The following DSTYK variants were observed in gnomAD, a reference collection of about 807,000 sequenced individuals.
DSTYK encodes RIP-homologous kinase.
Under a neutral mutation model 98.7 loss-of-function variants are expected in DSTYK, and 34 were observed. That is an observed-to-expected ratio of 0.34 (90% CI 0.26 to 0.46). The LOEUF (loss-of-function observed/expected upper bound fraction) is 0.46. DSTYK is among the 20% of genes least tolerant of loss of function. The pLI is 1.00. For missense variants in DSTYK, 962 were observed against 1,181.7 expected, an observed-to-expected ratio of 0.81 and a Z score of 2.73; for synonymous variants, 462 against 457.3, an observed-to-expected ratio of 1.01 and a Z score of -0.13.
At chr1:205,166,183 C>A (rs957675058) in intron 3 of DSTYK, among the ~76,000 whole-genome samples, 3 of 152,006 alleles carry the variant, frequency 2.0e-5, no homozygotes, top group Non-Finnish European at 4.4e-5. Flanking sequence ...ATGAAAAAGA[C>A]AAGTGCAGAA....
chr1:205,159,945 G>A (rs920368095), intron 8 of DSTYK, 169 bp downstream of exon 8: 1 of 875,612 alleles, frequency 1.1e-6, no homozygotes, highest in Non-Finnish European at 1.8e-6. Flanking sequence ...AGGATGGTGG[G>A]GAAAGAGCAA....
intron 10 of DSTYK, among the ~76,000 whole-genome samples, chr1:205,156,165 G>T (rs1657553631): frequency 6.6e-6 from 1 of 152,332 alleles, no homozygotes; most frequent in East Asian, 1.9e-4. Flanking sequence ...GAGAACCTTT[G>T]CTAGGGCAAT....
chr1:205,162,810 T>TG, intron 5 of DSTYK, 113 bp downstream of exon 5: 1 of 814,290 alleles, frequency 1.2e-6, no homozygotes, highest in South Asian at 1.5e-5. Context: ...CCAGAACAAA[T>TG]GGTCACCCTG....
chr1:205,204,272 T>TGA, intron 1 of DSTYK, among the ~76,000 whole-genome samples: 1 of 152,262 alleles, frequency 6.6e-6, no homozygotes, highest in East Asian at 1.9e-4. Flanking sequence ...TATTTTGTAT[T>TGA]CCCATGGTCA....
chr1:205,183,213 G>C (rs2102442578), intron 2 of DSTYK, among the ~76,000 whole-genome samples: 1 of 152,322 alleles, frequency 6.6e-6, no homozygotes, highest in South Asian at 2.1e-4. Context: ...GGAAAGGCAG[G>C]AGGGTGGGGA....
chr1:205,164,621 C>T (rs1301623181), intron 3 of DSTYK, among the ~76,000 whole-genome samples: 1 of 152,112 alleles, frequency 6.6e-6, no homozygotes, highest in Non-Finnish European at 1.5e-5. Flanking sequence ...GCCACCACGC[C>T]TGGCTGATTT....
In DSTYK at chr1:205,187,559, A is replaced by G. The variant is rs1658591365; in HGVS notation, c.513T>C (p.Tyr171=). 1.9e-6 allele frequency: 3 copies of G among 1,614,128 alleles called. No individual in the cohort carries two copies. The East Asian group carries it at 6.7e-5, about 36-fold the overall frequency. The part of the protein sequence containing the change: ...TRVSLALPGQ[Y]ELVHTLVAHQ... ...GAGCAACCAGCGTGTGCACTAGTTC[A>G]TACTGTCCAGGGAGCGCCAGGCTGA... Residue 171 remains tyrosine (Y), a synonymous_variant, in exon 2 of 13, where the codon TAT becomes TAC. Coordinates refer to ENST00000367162, the MANE Select transcript of DSTYK (RefSeq NM_015375.3).
At chr1:205,168,802 T>C (rs1388189076) in intron 3 of DSTYK, among the ~76,000 whole-genome samples, 5 of 152,212 alleles carry the variant, frequency 3.3e-5, no homozygotes, top group African/African-American at 1.2e-4. Context: ...GCATGAGCCA[T>C]ACTGCAGGAG....
At position 205,190,615 on chromosome 1, in the gene DSTYK, C is replaced by CAAAA. The variant is rs760042971; in HGVS notation, c.266-2813_266-2810dup. ...TGGGCAACAGAGCGAGACTCCATCT[C>CAAAA]AAAAAAAAAAAAAAAAAAAAAACCC... On this transcript the variant is annotated intron_variant, in intron 1 of 12. Transcript: ENST00000367162. 4.5e-3 allele frequency among the ~76,000 whole-genome samples: 326 copies of CAAAA among 71,890 alleles called. 7 individuals are homozygous for CAAAA. Among genetic ancestry groups the CAAAA allele is most frequent in the African/African-American group, 0.019 (313 of 16,268 alleles). 47.2% of individuals were successfully genotyped at this position (71,890 alleles called of 152,430 possible).
At chr1:205,174,597 C>T (rs1658171305) in intron 2 of DSTYK, among the ~76,000 whole-genome samples, 1 of 150,912 alleles carries the variant, frequency 6.6e-6, no homozygotes. Context: ...GAATGAGAAT[C>T]ACTTGAACCT....
intron 8 of DSTYK, 82 bp from the exon 9 acceptor site, chr1:205,159,761 T>A (rs1335301889): frequency 6.4e-7 from 1 of 1,565,386 alleles, no homozygotes; most frequent in East Asian, 2.2e-5. Context: ...AGACAATAAT[T>A]TCCAGACCAT....
intron 2 of DSTYK, among the ~76,000 whole-genome samples, chr1:205,184,860 C>T (rs1439131744): frequency 6.6e-6 from 1 of 152,124 alleles, no homozygotes; most frequent in South Asian, 2.1e-4. Flanking sequence ...GTTGGGATTA[C>T]AGGCATAATC....
rs150612399 is a variant in DSTYK at position 205,187,574 on chromosome 1, C to A, written c.498G>T (p.Ala166=). The change falls in exon 2 of 13, where the codon GCG becomes GCT. Residue 166 remains alanine (A), a synonymous_variant. Coordinates refer to ENST00000367162, the MANE Select transcript of DSTYK (RefSeq NM_015375.3). The part of the protein sequence containing the change: ...TYGTQTRVSL[A]LPGQYELVHT... ...GCACTAGTTCATACTGTCCAGGGAG[C>A]GCCAGGCTGACCCGAGTCTGAGTCC... 1 of 1,613,994 alleles carries A rather than the reference C, an allele frequency of 6.2e-7. No individual in the cohort carries two copies. The highest frequency in any genetic ancestry group is 1.3e-5 in the African/African-American group (1 of 74,898).
In DSTYK at chr1:205,150,487, T is replaced by C. The variant is rs1179010667; in HGVS notation, c.2467+193A>G. Among the ~76,000 whole-genome samples the C allele has an allele frequency of 6.6e-6, 1 of 152,196 alleles. No homozygotes were observed. The highest frequency in any genetic ancestry group is 1.9e-4 in the East Asian group (1 of 5,194). On this transcript the variant is annotated intron_variant, in intron 11 of 12. Transcript: ENST00000367162. This position sits in a 1 kb window ranked among gnomAD's most constrained non-coding sequence, Gnocchi z 4.1. ...ATGTCCAAATGGTGATTCCCATTTGTACTTTTTCTTTCTTACTCCTTTACC... is the reference window on the plus strand; with the variant it reads ...ATGTCCAAATGGTGATTCCCATTTGCACTTTTTCTTTCTTACTCCTTTACC...
At position 205,159,598 on chromosome 1, in the gene DSTYK, A is replaced by G. The variant is rs1162757998; in HGVS notation, c.2187T>C (p.Ala729=). ...GTAGCCGCTCCATAATGAGGAGCAC[A>G]GCAATGCTGGAGCCACCACCATAGT... is the stretch of plus-strand genomic sequence containing the variant. ...DYNYGGGSSI[A]VLLIMERLHR... The change falls in exon 9 of 13, where the codon GCT becomes GCC. Residue 729 remains alanine, a synonymous_variant. Transcript: ENST00000367162. 4 of 1,613,714 alleles carry G rather than the reference A, an allele frequency of 2.5e-6. No homozygotes were observed. Among genetic ancestry groups the G allele is most frequent in the Non-Finnish European group, 2.5e-6 (3 of 1,179,892 alleles).
intron 1 of DSTYK, among the ~76,000 whole-genome samples, chr1:205,194,369 G>A (rs984748500): frequency 2.0e-5 from 3 of 152,116 alleles, no homozygotes; most frequent in Non-Finnish European, 1.5e-5. Context: ...GTCCAAGGTA[G>A]GGAAGGCACT....
chr1:205,165,891 G>A (rs924757497), intron 3 of DSTYK, among the ~76,000 whole-genome samples: 1 of 152,098 alleles, frequency 6.6e-6, no homozygotes, highest in African/African-American at 2.4e-5. Flanking sequence ...GTGTGATGGT[G>A]CACACCTTTA....
Position 205,169,858 on chromosome 1 carries a change from C to T in DSTYK, c.655-26G>A, listed in dbSNP as rs1658004387. 2 of 1,585,112 alleles carry T rather than the reference C, an allele frequency of 1.3e-6. No homozygotes were observed. Among genetic ancestry groups the T allele is most frequent in the African/African-American group, 1.3e-5 (1 of 74,114 alleles). On this transcript the variant is annotated intron_variant, in intron 2 of 12. Coordinates refer to ENST00000367162, the MANE Select transcript of DSTYK (RefSeq NM_015375.3). The surrounding 1 kb of genome is among the most constrained non-coding windows in gnomAD (Gnocchi z 4.0). ...CTGGAAGGGGAAGGGGGTCATATATCAGCGCCTCAGGGTCAGAACCAATCC... is the reference window on the plus strand; with the variant it reads ...CTGGAAGGGGAAGGGGGTCATATATTAGCGCCTCAGGGTCAGAACCAATCC...
Position 205,163,927 on chromosome 1 carries a change from T to G in DSTYK, c.1353A>C (p.Pro451=). 1 of 1,614,184 alleles carries G rather than the reference T, an allele frequency of 6.2e-7. No homozygotes were observed. Among genetic ancestry groups the G allele is most frequent in the South Asian group, 1.1e-5 (1 of 91,084 alleles). The change falls in exon 4 of 13, where the codon CCA becomes CCC. Residue 451 remains proline (P), a synonymous_variant. Coordinates refer to ENST00000367162, the MANE Select transcript of DSTYK (RefSeq NM_015375.3). ...AGCATTTGATCTCTCTGGTGCCTACTGGTTCTCCATTCTCAGGGACAATGA... is the reference window on the plus strand; with the variant it reads ...AGCATTTGATCTCTCTGGTGCCTACGGGTTCTCCATTCTCAGGGACAATGA... ...KDVIVPENGE[P]VGTREIKCCI...
Sources: gnomAD v4.1 joint callset for allele counts (sites outside exome capture counted in the v4.1 genomes callset) on GRCh38, gnomAD v4.1.1 for gene constraint, Gnocchi (gnomAD v3.1) non-coding constraint, MANE v1.5 for transcripts, NCBI Gene and HGNC (gene_info 2026-07-23, HGNC 2026-07-21) for gene names.